Variants in FAF1 observed in about 807,000 individuals in gnomAD.
FAF1 encodes FAS-associated factor 1.
In FAF1, 25 loss-of-function variants were observed where a neutral mutation model predicts 92.5. The observed-to-expected ratio is 0.27, with a 90% CI of 0.20 to 0.38. The LOEUF (loss-of-function observed/expected upper bound fraction) is 0.38, where lower values mean the gene tolerates loss of function less well. Ranked by LOEUF, FAF1 falls within the 10% of genes least tolerant of loss-of-function variation. The pLI, the probability that FAF1 is intolerant of heterozygous loss-of-function variation, is 1.00. For synonymous variants in FAF1, 234 were observed against 273.2 expected, an observed-to-expected ratio of 0.86 and a Z score of 1.42; for missense variants, 636 against 793.3, an observed-to-expected ratio of 0.80 and a Z score of 2.38.
At chr1:50,854,152 C>T (rs997218270) in intron 2 of FAF1, among the ~76,000 whole-genome samples, 4 of 152,022 alleles carry the variant, frequency 2.6e-5, no homozygotes, top group African/African-American at 9.7e-5. Flanking sequence ...CAAAATTACA[C>T]AAGCCATATA....
At chr1:50,484,511 TTGTAAAAATTCAATAA>T (rs1329200615) in intron 17 of FAF1, among the ~76,000 whole-genome samples, 5 of 152,096 alleles carry the variant, frequency 3.3e-5, no homozygotes, top group Non-Finnish European at 5.9e-5. Context: ...CCTTATTGAA[TTGTAAAAATTCAATAA>T]GATAATTAAT....
chr1:50,598,612 ATTTGAAGTTTTTTCT>A (rs1651943906), intron 8 of FAF1, among the ~76,000 whole-genome samples: 1 of 152,122 alleles, frequency 6.6e-6, no homozygotes, highest in Non-Finnish European at 1.5e-5. Flanking sequence ...CTCAAAGTCC[ATTTGAAGTTTTTTCT>A]TTTCTTCTTA....
intron 13 of FAF1, among the ~76,000 whole-genome samples, chr1:50,556,249 A>C (rs1649575800): frequency 6.6e-6 from 1 of 150,980 alleles, no homozygotes; most frequent in Non-Finnish European, 1.5e-5. Flanking sequence ...AAAAAAAAAA[A>C]AAAAAAAAAA....
intron 8 of FAF1, among the ~76,000 whole-genome samples, chr1:50,639,608 C>A (rs1266802261): frequency 4.0e-5 from 6 of 151,568 alleles, no homozygotes; most frequent in African/African-American, 1.5e-4. Flanking sequence ...TTTTTGTCTT[C>A]TTTTTCCCAT....
intron 15 of FAF1, among the ~76,000 whole-genome samples, chr1:50,525,678 C>T (rs537774487): frequency 6.6e-6 from 1 of 152,186 alleles, no homozygotes; most frequent in South Asian, 2.1e-4. Context: ...ACGATGTTGG[C>T]TGTGGGTTTT....
chr1:50,472,452 C>T (rs1646588564), intron 18 of FAF1, among the ~76,000 whole-genome samples: 1 of 148,172 alleles, frequency 6.7e-6, no homozygotes, highest in South Asian at 2.2e-4. Context: ...CTCAATGCTT[C>T]CACAACTTGA....
At chr1:50,758,835 T>A (rs916433452) in intron 4 of FAF1, among the ~76,000 whole-genome samples, 1 of 152,104 alleles carries the variant, frequency 6.6e-6, no homozygotes, top group African/African-American at 2.4e-5. Flanking sequence ...GTCTGTATTT[T>A]TTATTATTAT....
Position 50,475,683 on chromosome 1 carries a change from G to A in FAF1, c.1654-4C>T, listed in dbSNP as rs1471142050. 6.2e-7 allele frequency: 1 copy of A among 1,605,442 alleles called. No individual in the cohort carries two copies. Among genetic ancestry groups the A allele is most frequent in the Non-Finnish European group, 8.5e-7 (1 of 1,174,590 alleles). The stretch of plus-strand genomic sequence containing the variant: ...GCTCTAAGGACAGCCGGATGGCCTA[G>A]GGAGAGCAAAAACCAGGTGTTAAAA... On this transcript the variant is annotated splice_region_variant and splice_polypyrimidine_tract_variant and intron_variant, in intron 17 of 18. Transcript: ENST00000396153.
intron 2 of FAF1, among the ~76,000 whole-genome samples, chr1:50,844,534 T>C (rs1429106330): frequency 1.3e-5 from 2 of 151,082 alleles, no homozygotes; most frequent in African/African-American, 2.4e-5. Flanking sequence ...GTGTTAAAAC[T>C]GTTTGTCATA....
At chr1:50,696,334 A>C (rs1266468862) in intron 7 of FAF1, among the ~76,000 whole-genome samples, 1 of 152,148 alleles carries the variant, frequency 6.6e-6, no homozygotes, top group Non-Finnish European at 1.5e-5. Flanking sequence ...TGGAGGGAGA[A>C]AATGTTCTCT....
intron 12 of FAF1, among the ~76,000 whole-genome samples, chr1:50,581,074 C>A (rs570971165): frequency 6.6e-6 from 1 of 152,282 alleles, no homozygotes; most frequent in South Asian, 2.1e-4. Context: ...ACATCCAGCC[C>A]AGTATTTTCC....
At chr1:50,525,455 T>G (rs1485857857) in intron 15 of FAF1, among the ~76,000 whole-genome samples, 1 of 152,218 alleles carries the variant, frequency 6.6e-6, no homozygotes, top group Admixed American at 6.5e-5. Context: ...GTTTTTTTGT[T>G]GGTGTGGAAT....
At chr1:50,481,277 T>C (rs1318634333) in intron 17 of FAF1, among the ~76,000 whole-genome samples, 1 of 152,216 alleles carries the variant, frequency 6.6e-6, no homozygotes, top group Non-Finnish European at 1.5e-5. Flanking sequence ...TAGGCCTTCA[T>C]ATTCACTCAC....
chr1:50,765,627 C>T (rs1055046417), intron 4 of FAF1, among the ~76,000 whole-genome samples: 37 of 152,166 alleles, frequency 2.4e-4, no homozygotes, highest in African/African-American at 8.9e-4. Context: ...AGATGAAAAG[C>T]ATAATCCCTA....
intron 18 of FAF1, among the ~76,000 whole-genome samples, chr1:50,466,759 C>T (rs542949901): frequency 8.2e-4 from 125 of 152,230 alleles, no homozygotes; most frequent in African/African-American, 3.0e-3. Context: ...TTTTATATAT[C>T]CTGTCCCCAA....
intron 7 of FAF1, among the ~76,000 whole-genome samples, chr1:50,682,225 G>C (rs989403189): frequency 6.6e-6 from 1 of 152,048 alleles, no homozygotes; most frequent in Non-Finnish European, 1.5e-5. Flanking sequence ...GTGAGGCTGG[G>C]TGCAGTCCTC....
At chr1:50,456,007 G>A (rs564727633) in intron 18 of FAF1, among the ~76,000 whole-genome samples, 3 of 152,016 alleles carry the variant, frequency 2.0e-5, no homozygotes, top group Non-Finnish European at 2.9e-5. Context: ...CCTGGGAGGC[G>A]GAGATGGCAG....
At chr1:50,514,720 T>C (rs1020118748) in intron 15 of FAF1, among the ~76,000 whole-genome samples, 2 of 152,194 alleles carry the variant, frequency 1.3e-5, no homozygotes, top group African/African-American at 4.8e-5. Context: ...AGAAGTGGTA[T>C]GTGGGAGTCA....
intron 8 of FAF1, among the ~76,000 whole-genome samples, chr1:50,650,375 A>T (rs1281810028): frequency 6.6e-6 from 1 of 151,804 alleles, no homozygotes; most frequent in Non-Finnish European, 1.5e-5. Context: ...TGGGAGGCCG[A>T]GGTGAGGATC....
Sources: gnomAD v4.1 joint callset for allele counts (sites outside exome capture counted in the v4.1 genomes callset) on GRCh38, gnomAD v4.1.1 for gene constraint, MANE v1.5 for transcripts, NCBI Gene and HGNC (gene_info 2026-07-23, HGNC 2026-07-21) for gene names.